CACNA2D3: variants seen among roughly 807,000 people sequenced by gnomAD.
CACNA2D3 encodes the protein voltage-dependent calcium channel subunit alpha-2/delta-3.
CACNA2D3 carries 60 observed loss-of-function variants against 160.6 expected under a neutral mutation model. The ratio of observed to expected loss-of-function variants is 0.37; its 90% CI spans 0.30 to 0.46. The LOEUF (loss-of-function observed/expected upper bound fraction) is 0.46. CACNA2D3 is among the 20% of genes least tolerant of loss of function. The pLI is 1.00. For synonymous variants in CACNA2D3, 558 were observed against 492.9 expected (o/e 1.13, Z -1.75); for missense variants, 1,205 against 1,365.0 (o/e 0.88, Z 1.85).
At chr3:54,178,519 C>T (rs909555631) in intron 2 of CACNA2D3, among the ~76,000 whole-genome samples, 4 of 152,206 alleles carry the variant, frequency 2.6e-5, no homozygotes, top group African/African-American at 7.2e-5. Flanking sequence ...AGTAAGCAGA[C>T]ACACGAAGAA....
intron 17 of CACNA2D3, among the ~76,000 whole-genome samples, chr3:54,856,336 A>G (rs928185540): frequency 8.5e-5 from 13 of 152,194 alleles, no homozygotes; most frequent in African/African-American, 2.4e-4. Context: ...TTTGCAGCCT[A>G]TAACTTTGAG....
intron 3 of CACNA2D3, among the ~76,000 whole-genome samples, chr3:54,323,959 C>A (rs143168842): frequency 3.9e-5 from 6 of 152,050 alleles, no homozygotes; most frequent in African/African-American, 1.5e-4. Flanking sequence ...ACTCCAGGGA[C>A]GTGTGTAAGA....
intron 3 of CACNA2D3, among the ~76,000 whole-genome samples, chr3:54,322,875 A>T (rs1346339952): frequency 6.6e-6 from 1 of 152,198 alleles, no homozygotes; most frequent in Non-Finnish European, 1.5e-5. Flanking sequence ...AGAAAAAAAT[A>T]AGTTGCTCTG....
chr3:54,925,461 A>C (rs548695669), intron 27 of CACNA2D3, among the ~76,000 whole-genome samples: 5 of 152,298 alleles, frequency 3.3e-5, no homozygotes, highest in Non-Finnish European at 7.4e-5. Flanking sequence ...AGATACTCTC[A>C]GTGTCTTCTG....
At chr3:54,595,325 T>TGTGG (rs1559521730) in intron 9 of CACNA2D3, among the ~76,000 whole-genome samples, 13 of 102,132 alleles carry the variant, frequency 1.3e-4, no homozygotes, top group Admixed American at 3.3e-4. Context: ...TGTGTGTGTG[T>TGTGG]GTGTGTGTGT....
At chr3:54,674,356 G>C (rs1172378084) in intron 11 of CACNA2D3, among the ~76,000 whole-genome samples, 1 of 1,260 alleles carries the variant, frequency 7.9e-4, no homozygotes, top group African/African-American at 3.9e-3. Flanking sequence ...GAGGGTGTTG[G>C]AAGTTAGAGT....
intron 14 of CACNA2D3, 97 bp from the exon 15 acceptor site, chr3:54,837,062 C>A: frequency 1.0e-6 from 1 of 1,001,286 alleles, no homozygotes; most frequent in Non-Finnish European, 1.6e-6. Flanking sequence ...ATCTCAACAG[C>A]CCCTGGTTTG....
intron 27 of CACNA2D3, among the ~76,000 whole-genome samples, chr3:54,955,898 A>G (rs1701877890): frequency 6.6e-6 from 1 of 152,144 alleles, no homozygotes; most frequent in Non-Finnish European, 1.5e-5. Context: ...ACAACAGAAG[A>G]TGGCTTTTCC....
chr3:54,925,208 C>G, intron 27 of CACNA2D3: 3 of 1,610,604 alleles, frequency 1.9e-6, no homozygotes, highest in Non-Finnish European at 2.5e-6. Flanking sequence ...AAAACAGGAG[C>G]AGTTCACCTA....
intron 4 of CACNA2D3, among the ~76,000 whole-genome samples, chr3:54,472,679 TCAG>T (rs1441831602): frequency 5.3e-5 from 8 of 152,182 alleles, no homozygotes; most frequent in Non-Finnish European, 1.2e-4. Flanking sequence ...ATAAGCAACT[TCAG>T]CAAAGTCTCA....
At chr3:54,707,757 C>A (rs1224356343) in intron 11 of CACNA2D3, among the ~76,000 whole-genome samples, 1 of 152,026 alleles carries the variant, frequency 6.6e-6, no homozygotes, top group East Asian at 1.9e-4. Flanking sequence ...TGTGGGGTAG[C>A]TTGAAGGAGA....
intron 27 of CACNA2D3, among the ~76,000 whole-genome samples, chr3:54,903,453 A>G (rs894305578): frequency 2.6e-5 from 4 of 152,126 alleles, no homozygotes; most frequent in African/African-American, 9.7e-5. Context: ...TATCCAGTCT[A>G]TCATTGATGG....
chr3:54,452,322 A>G (rs1176321964), intron 4 of CACNA2D3, among the ~76,000 whole-genome samples: 1 of 152,180 alleles, frequency 6.6e-6, no homozygotes, highest in East Asian at 1.9e-4. Flanking sequence ...CTGCCATGGG[A>G]ACAGTATGGG....
At chr3:54,638,089 G>A (rs1699419071) in intron 10 of CACNA2D3, 1 of 152,012 alleles carries the variant, frequency 6.6e-6, no homozygotes. Flanking sequence ...TTCACACCTT[G>A]AAGGTGAGGT....
At chr3:54,582,775 T>TA (rs1445734514) in intron 9 of CACNA2D3, among the ~76,000 whole-genome samples, 1 of 152,338 alleles carries the variant, frequency 6.6e-6, no homozygotes, top group Non-Finnish European at 1.5e-5. Context: ...CCCTGGCTCG[T>TA]ATTGTGTTGG....
intron 9 of CACNA2D3, among the ~76,000 whole-genome samples, chr3:54,605,105 T>C (rs956911585): frequency 5.9e-5 from 9 of 152,174 alleles, no homozygotes; most frequent in Non-Finnish European, 4.4e-5. Flanking sequence ...GTATAATTCC[T>C]GTCCTCTGTC....
chr3:54,672,948 T>A (rs184620507), intron 11 of CACNA2D3, among the ~76,000 whole-genome samples: 1 of 152,136 alleles, frequency 6.6e-6, no homozygotes, highest in East Asian at 1.9e-4. Flanking sequence ...AAACCCAGAG[T>A]CCAAACACGT....
rs184531558 is a variant in CACNA2D3 at position 54,653,000 on chromosome 3, C to T, written c.1167+10759C>T. ...GTTTCATCATGTTGGTCAGGCTGGTCTTGAACTCCTGACCTCAAGTGATCC... is the reference window on the plus strand; with the variant it reads ...GTTTCATCATGTTGGTCAGGCTGGTTTTGAACTCCTGACCTCAAGTGATCC... On this transcript the variant is annotated intron_variant, in intron 11 of 37. Coordinates refer to ENST00000474759, the MANE Select transcript of CACNA2D3 (RefSeq NM_018398.3). Among the ~76,000 whole-genome samples the T allele has an allele frequency of 3.5e-4, 54 of 152,208 alleles. No homozygotes were observed. In the East Asian group the frequency reaches 9.1e-3, roughly 26 times the overall value.
intron 2 of CACNA2D3, among the ~76,000 whole-genome samples, chr3:54,259,274 G>A (rs1702360634): frequency 6.6e-6 from 1 of 152,194 alleles, no homozygotes; most frequent in Non-Finnish European, 1.5e-5. Context: ...ATGGTGACAC[G>A]GACCTAACTG....
Sources: gnomAD v4.1 joint callset for allele counts (sites outside exome capture counted in the v4.1 genomes callset) on GRCh38, gnomAD v4.1.1 for gene constraint, MANE v1.5 for transcripts, NCBI Gene and HGNC (gene_info 2026-07-23, HGNC 2026-07-21) for gene names.